The following TMCC1 variants were observed in gnomAD, a reference collection of about 807,000 sequenced individuals.
TMCC1 encodes the protein transmembrane and coiled-coil domain family 1, also known as transmembrane and coiled-coil domains protein 1.
In TMCC1, 15 loss-of-function variants were observed where a neutral mutation model predicts 52.4. The ratio of observed to expected loss-of-function variants is 0.29; its 90% CI spans 0.19 to 0.44. The LOEUF (loss-of-function observed/expected upper bound fraction) is 0.44. Among genes scored for constraint, TMCC1 ranks in the 20% least tolerant of loss-of-function variants. The pLI, the probability that TMCC1 is intolerant of heterozygous loss-of-function variation, is 1.00. For synonymous variants in TMCC1, 279 were observed against 301.9 expected, an observed-to-expected ratio of 0.92 and a Z score of 0.79; for missense variants, 503 against 806.0, an observed-to-expected ratio of 0.62 and a Z score of 4.55.
At chr3:129,770,340 A>AC (rs561994859) in intron 4 of TMCC1, among the ~76,000 whole-genome samples, 151 of 152,246 alleles carry the variant, frequency 9.9e-4, no homozygotes, top group African/African-American at 3.4e-3. Context: ...ACATAGTGAG[A>AC]CCCCATCTCT....
intron 4 of TMCC1, among the ~76,000 whole-genome samples, chr3:129,773,370 T>C (rs1338084677): frequency 1.3e-5 from 2 of 152,222 alleles, no homozygotes; most frequent in Non-Finnish European, 2.9e-5. Flanking sequence ...CATTTGTTTG[T>C]ACTTTTCTTT....
intron 4 of TMCC1, among the ~76,000 whole-genome samples, chr3:129,814,485 A>G (rs938175025): frequency 6.6e-6 from 1 of 152,328 alleles, no homozygotes; most frequent in African/African-American, 2.4e-5. Context: ...TAAAAAAGGG[A>G]TGAAAAGAGG....
intron 4 of TMCC1, among the ~76,000 whole-genome samples, chr3:129,824,142 C>T (rs1178622546): frequency 2.6e-5 from 4 of 152,042 alleles, no homozygotes; most frequent in African/African-American, 7.2e-5. Context: ...TTGAGACCAG[C>T]GTGGCCAAAA....
At chr3:129,850,285 G>GT (rs1185102141) in intron 2 of TMCC1, among the ~76,000 whole-genome samples, 1 of 152,104 alleles carries the variant, frequency 6.6e-6, no homozygotes, top group Admixed American at 6.5e-5. Context: ...AAGAATCTTA[G>GT]TTTTTTTCTC....
intron 4 of TMCC1, among the ~76,000 whole-genome samples, chr3:129,741,550 T>A (rs2107636372): frequency 6.6e-6 from 1 of 152,302 alleles, no homozygotes; most frequent in Middle Eastern, 3.4e-3. Flanking sequence ...TCACTAACAA[T>A]CTTTCTACTA....
chr3:129,736,905 T>G (rs1416835720), intron 4 of TMCC1, among the ~76,000 whole-genome samples: 1 of 152,154 alleles, frequency 6.6e-6, no homozygotes, highest in African/African-American at 2.4e-5. Flanking sequence ...AGAAAAGATG[T>G]TATAATAAAC....
In TMCC1 at chr3:129,655,054, T is replaced by G; in HGVS notation, c.1561A>C (p.Asn521His). The G allele has an allele frequency of 6.2e-7, 1 of 1,614,164 alleles. No individual in the cohort carries two copies. The highest frequency in any genetic ancestry group is 8.5e-7 in the Non-Finnish European group (1 of 1,180,020). Reference protein sequence around the residue: ...QLNDLTELHQNEILNLKQELA... With the variant: ...QLNDLTELHQHEILNLKQELA... Reference sequence around the variant, plus strand: ...TCCTGCTTCAAGTTCAAGATTTCATTCTGGTGGAGCTCTGTTAGGTCATTT... The same window carrying G: ...TCCTGCTTCAAGTTCAAGATTTCATGCTGGTGGAGCTCTGTTAGGTCATTT... Residue 521 changes from asparagine (N) to histidine (H), a missense_variant, in exon 6 of 7, where the codon AAT becomes CAT. Transcript: ENST00000393238.
chr3:129,749,228 C>T (rs959511147), intron 4 of TMCC1, among the ~76,000 whole-genome samples: 3 of 151,638 alleles, frequency 2.0e-5, no homozygotes, highest in Non-Finnish European at 2.9e-5. Context: ...ACACTGTACA[C>T]GAGTAAAAGA....
intron 4 of TMCC1, among the ~76,000 whole-genome samples, chr3:129,728,041 C>T (rs952218746): frequency 2.6e-5 from 4 of 152,178 alleles, no homozygotes; most frequent in Non-Finnish European, 5.9e-5. Flanking sequence ...ATCCCAATAC[C>T]TCAGCAAACT....
At chr3:129,712,075 G>T (rs1256574885) in intron 4 of TMCC1, among the ~76,000 whole-genome samples, 4 of 151,434 alleles carry the variant, frequency 2.6e-5, no homozygotes, top group Non-Finnish European at 5.9e-5. Context: ...TACTCAGGAG[G>T]CTGAGGCAGG....
At chr3:129,672,472 C>T (rs1410347772) in intron 4 of TMCC1, among the ~76,000 whole-genome samples, 1 of 152,000 alleles carries the variant, frequency 6.6e-6, no homozygotes, top group Non-Finnish European at 1.5e-5. Flanking sequence ...TGGTGGCACA[C>T]ACCCATAGTT....
intron 6 of TMCC1, among the ~76,000 whole-genome samples, chr3:129,653,771 T>C (rs1172432442): frequency 6.6e-6 from 1 of 152,214 alleles, no homozygotes. Context: ...TTTAACTTTA[T>C]ATTATTTAAT....
At chr3:129,889,177 T>A (rs905782966) in intron 1 of TMCC1, among the ~76,000 whole-genome samples, 1 of 151,898 alleles carries the variant, frequency 6.6e-6, no homozygotes, top group Admixed American at 6.6e-5. Context: ...GACATTGAGG[T>A]CAGAGGATCA....
At position 129,667,384 on chromosome 3, in the gene TMCC1, C is replaced by T. The variant is rs182408949; in HGVS notation, c.1511+2946G>A. ...TTTATACAGGGAATTATTGGAACAA[C>T]AAAAATAAAGTACAATAGTTGTGAC... On this transcript the variant is annotated intron_variant, in intron 5 of 6. Coordinates refer to ENST00000393238, the MANE Select transcript of TMCC1 (RefSeq NM_001017395.5). Among the ~76,000 whole-genome samples, 4 of 151,972 alleles carry T rather than the reference C, an allele frequency of 2.6e-5. No individual in the cohort carries two copies. In the East Asian group the frequency reaches 7.7e-4, roughly 29 times the overall value.
At chr3:129,767,820 G>A (rs537011689) in intron 4 of TMCC1, among the ~76,000 whole-genome samples, 10 of 152,164 alleles carry the variant, frequency 6.6e-5, no homozygotes, top group Admixed American at 5.9e-4. Flanking sequence ...AGCATGTATC[G>A]GTACTTCATT....
At chr3:129,673,069 C>T (rs968799015) in intron 4 of TMCC1, among the ~76,000 whole-genome samples, 3 of 152,048 alleles carry the variant, frequency 2.0e-5, no homozygotes, top group Non-Finnish European at 4.4e-5. Context: ...GAATTTAATA[C>T]TGAAATTAAT....
At position 129,850,943 on chromosome 3, in the gene TMCC1, G is replaced by A. The variant is rs562493230; in HGVS notation, c.-183-18117C>T. On this transcript the variant is annotated intron_variant, in intron 2 of 6. Transcript: ENST00000393238. ...TTGTGGTTTAAGAATGCCTTTAAGC[G>A]GTTTTCTGCCTTGGGTGGGCCAGGT... Among the ~76,000 whole-genome samples the A allele has an allele frequency of 4.3e-4, 66 of 152,202 alleles. 1 individual carries two copies. The highest frequency in any genetic ancestry group is 7.5e-4 in the Non-Finnish European group (51 of 68,046).
chr3:129,834,877 G>A (rs2059084318), intron 2 of TMCC1, among the ~76,000 whole-genome samples: 1 of 152,130 alleles, frequency 6.6e-6, no homozygotes, highest in Admixed American at 6.6e-5. Flanking sequence ...TCATCCTCCT[G>A]CATCTTATTT....
chr3:129,711,264 T>C (rs1560242359), intron 4 of TMCC1, among the ~76,000 whole-genome samples: 1 of 152,210 alleles, frequency 6.6e-6, no homozygotes, highest in Non-Finnish European at 1.5e-5. Context: ...CCAAAGTTTA[T>C]TTAATTCTCA....
Sources: allele counts gnomAD v4.1 joint callset (sites outside exome capture counted in the v4.1 genomes callset), GRCh38; gene constraint gnomAD v4.1.1; transcripts MANE v1.5; gene names NCBI Gene and HGNC (gene_info 2026-07-23, HGNC 2026-07-21).